ALDH1L1: variants seen among roughly 807,000 people sequenced by gnomAD.
ALDH1L1 encodes cytosolic 10-formyltetrahydrofolate dehydrogenase.
Under a neutral mutation model 101.1 loss-of-function variants are expected in ALDH1L1, and 68 were observed. The observed-to-expected ratio is 0.67, with a 90% CI of 0.55 to 0.82. ALDH1L1 has a LOEUF of 0.82. ALDH1L1 is among the 40% of genes least tolerant of loss of function. ALDH1L1 has a pLI of 0.00. For synonymous variants in ALDH1L1, 486 were observed against 470.8 expected (o/e 1.03, Z -0.42); for missense variants, 1,087 against 1,172.7 (o/e 0.93, Z 1.07).
chr3:126,112,645 G>T, intron 19 of ALDH1L1, 137 bp downstream of exon 19: 1 of 754,000 alleles, frequency 1.3e-6, no homozygotes, highest in Non-Finnish European at 2.2e-6. Flanking sequence ...TGGGTTCCCT[G>T]ACCCCCGGGG....
chr3:126,168,195 T>G (rs942099260), intron 1 of ALDH1L1, among the ~76,000 whole-genome samples: 14 of 152,142 alleles, frequency 9.2e-5, no homozygotes, highest in African/African-American at 3.4e-4. Context: ...TCTTGTGTGT[T>G]AACACATTAA....
chr3:126,124,910 C>T (rs1298771510), intron 15 of ALDH1L1, among the ~76,000 whole-genome samples: 1 of 152,210 alleles, frequency 6.6e-6, no homozygotes, highest in Non-Finnish European at 1.5e-5. Flanking sequence ...TTTTTCATTA[C>T]ATCAATGCCC....
At position 126,180,498 on chromosome 3, in the gene ALDH1L1, C is replaced by A. The variant is rs1331911750; in HGVS notation, c.-46G>T. The A allele has an allele frequency of 5.0e-6, 5 of 998,354 alleles. No homozygotes were observed. Among genetic ancestry groups the A allele is most frequent in the Admixed American group, 5.5e-5 (1 of 18,094 alleles). The allele number at this position is 998,354 out of a possible 1,614,324, so 61.8% of individuals were successfully genotyped here. On this transcript the variant is annotated 5_prime_UTR_variant, in exon 1 of 23. Transcript: ENST00000393434. ...CACCGCGCGCAGGAGTTGGTGCGGG[C>A]GTCCCGGGCAGGTTAGACTTCTGTG...
chr3:126,161,500 T>C (rs1192810581), intron 1 of ALDH1L1, among the ~76,000 whole-genome samples: 1 of 152,182 alleles, frequency 6.6e-6, no homozygotes, highest in African/African-American at 2.4e-5. Context: ...GCTGTCCAGC[T>C]GAGCTGCAAC....
chr3:126,172,266 T>C (rs1169502587), intron 1 of ALDH1L1, among the ~76,000 whole-genome samples: 5 of 152,218 alleles, frequency 3.3e-5, no homozygotes, highest in Non-Finnish European at 5.9e-5. Context: ...GAAGCAATGT[T>C]GGAATTTTCA....
chr3:126,161,123 C>T (rs1186682228), intron 1 of ALDH1L1, 121 bp from the exon 2 acceptor site: 16 of 1,199,350 alleles, frequency 1.3e-5, no homozygotes, highest in East Asian at 7.8e-5. Flanking sequence ...CTCTGTGGCT[C>T]TGTGGGTGGC....
chr3:126,181,021 G>C, upstream of ALDH1L1: 2 of 1,598,170 alleles, frequency 1.3e-6, no homozygotes, highest in African/African-American at 2.7e-5. Context: ...GGAATTTGCA[G>C]CCGCTTGCAG....
At chr3:126,168,720 G>C (rs1016802313) in intron 1 of ALDH1L1, among the ~76,000 whole-genome samples, 9 of 152,070 alleles carry the variant, frequency 5.9e-5, no homozygotes, top group African/African-American at 2.2e-4. Context: ...GAGGTAAACA[G>C]AATTATTTAG....
intron 1 of ALDH1L1, among the ~76,000 whole-genome samples, chr3:126,195,111 C>A (rs2081575062): frequency 6.6e-6 from 1 of 151,814 alleles, no homozygotes; most frequent in Non-Finnish European, 1.5e-5. Flanking sequence ...TTCCACATGT[C>A]CCCAGGCCTT....
At chr3:126,180,807 C>A, upstream of ALDH1L1, 1 of 1,525,664 alleles carries the variant, frequency 6.6e-7, no homozygotes, top group Admixed American at 2.0e-5. Context: ...TACTGTGGAC[C>A]CTTGGAGAAT....
At chr3:126,161,955 T>C (rs2081065248) in intron 1 of ALDH1L1, among the ~76,000 whole-genome samples, 2 of 145,410 alleles carry the variant, frequency 1.4e-5, no homozygotes, top group African/African-American at 5.2e-5. Flanking sequence ...ATATCCCCTT[T>C]ATATGTATTC....
At chr3:126,140,500 G>C (rs1576450072) in intron 9 of ALDH1L1, among the ~76,000 whole-genome samples, 2 of 152,096 alleles carry the variant, frequency 1.3e-5, no homozygotes, top group Non-Finnish European at 2.9e-5. Flanking sequence ...AGGTAAGTAT[G>C]AAAGTCCATA....
intron 18 of ALDH1L1, among the ~76,000 whole-genome samples, chr3:126,113,136 G>T (rs1218876052): frequency 6.6e-6 from 1 of 152,226 alleles, no homozygotes; most frequent in Non-Finnish European, 1.5e-5. Context: ...GGAGGATAAG[G>T]CTGCCATCCA....
chr3:126,109,387 T>G (rs1464102410), intron 20 of ALDH1L1, among the ~76,000 whole-genome samples: 1 of 152,052 alleles, frequency 6.6e-6, no homozygotes, highest in Non-Finnish European at 1.5e-5. Flanking sequence ...ACCTTTGAGT[T>G]TGAAGGGCCT....
chr3:126,165,993 T>C (rs1293824692), intron 1 of ALDH1L1, among the ~76,000 whole-genome samples: 1 of 152,224 alleles, frequency 6.6e-6, no homozygotes, highest in Non-Finnish European at 1.5e-5. Context: ...TTTTTCTAGT[T>C]CCTTTAGGTG....
At chr3:126,125,930 C>T (rs2080173485) in intron 14 of ALDH1L1, among the ~76,000 whole-genome samples, 1 of 152,188 alleles carries the variant, frequency 6.6e-6, no homozygotes, top group Non-Finnish European at 1.5e-5. Flanking sequence ...AGCAGCCCCT[C>T]TTCCTAGCAG....
upstream of ALDH1L1, chr3:126,180,608 G>T: frequency 5.6e-6 from 7 of 1,240,604 alleles, no homozygotes; most frequent in South Asian, 4.0e-5. Context: ...CGCGAGCTCT[G>T]GTTAAGGCCA....
chr3:126,148,420 C>A (rs4646718), intron 8 of ALDH1L1, among the ~76,000 whole-genome samples: 8,457 of 152,280 alleles, frequency 0.056, 296 homozygotes, highest in Admixed American at 0.091. Flanking sequence ...CCTGAACAGC[C>A]ACAGGCCAGG....
chr3:126,192,512 A>C (rs950373458), intron 1 of ALDH1L1, among the ~76,000 whole-genome samples: 2 of 152,194 alleles, frequency 1.3e-5, no homozygotes, highest in African/African-American at 4.8e-5. Context: ...CTGCCTGTGG[A>C]GAGCACAACA....
Sources: allele counts gnomAD v4.1 joint callset (sites outside exome capture counted in the v4.1 genomes callset), GRCh38; gene constraint gnomAD v4.1.1; transcripts MANE v1.5; gene names NCBI Gene and HGNC (gene_info 2026-07-23, HGNC 2026-07-21).